CCDC7: variants seen among roughly 807,000 people sequenced by gnomAD.
CCDC7 encodes the protein coiled-coil domain-containing protein 7.
In CCDC7, 183 loss-of-function variants were observed where a neutral mutation model predicts 196.9. The observed-to-expected ratio is 0.93, with a 90% CI of 0.82 to 1.05. The LOEUF is 1.05. CCDC7 is among the 50% of genes least tolerant of loss of function. CCDC7 has a pLI of 0.00. For missense variants in CCDC7, 1,540 were observed against 1,482.2 expected (o/e 1.04, Z -0.64); for synonymous variants, 525 against 484.6 (o/e 1.08, Z -1.10).
intron 8 of CCDC7, among the ~76,000 whole-genome samples, chr10:32,488,990 A>G (rs768767830): frequency 3.9e-5 from 6 of 152,200 alleles, no homozygotes; most frequent in Non-Finnish European, 8.8e-5. Flanking sequence ...AGTGGTGTAC[A>G]GTGGCCAAGG....
At chr10:32,712,933 G>T (rs1287712969) in intron 25 of CCDC7, among the ~76,000 whole-genome samples, 2 of 152,154 alleles carry the variant, frequency 1.3e-5, no homozygotes, top group Non-Finnish European at 2.9e-5. Flanking sequence ...GGTTCTTAAA[G>T]CTTGGCAATG....
intron 21 of CCDC7, among the ~76,000 whole-genome samples, chr10:32,667,846 A>T (rs1217274810): frequency 6.6e-6 from 1 of 152,132 alleles, no homozygotes; most frequent in African/African-American, 2.4e-5. Context: ...TGACTTGGCA[A>T]TGCAGGCTCT....
chr10:32,830,572 A>G (rs957124397), intron 32 of CCDC7, among the ~76,000 whole-genome samples: 6 of 152,164 alleles, frequency 3.9e-5, no homozygotes, highest in Admixed American at 1.3e-4. Context: ...CTCACCGAAT[A>G]GAGAATATTA....
chr10:32,470,149 C>G (rs540049254), intron 5 of CCDC7, among the ~76,000 whole-genome samples: 5 of 152,320 alleles, frequency 3.3e-5, no homozygotes, highest in African/African-American at 1.2e-4. Flanking sequence ...ATATCCTACT[C>G]TCATTCCAGT....
At chr10:32,814,329 T>C in intron 30 of CCDC7, 41 bp from the exon 32 acceptor site, 1 of 1,297,440 alleles carries the variant, frequency 7.7e-7, no homozygotes, top group Non-Finnish European at 1.1e-6. Flanking sequence ...TGTGTATAAA[T>C]GATTACCTTA....
At chr10:32,762,795 A>C (rs2077660356) in intron 28 of CCDC7, among the ~76,000 whole-genome samples, 1 of 151,872 alleles carries the variant, frequency 6.6e-6, no homozygotes, top group Non-Finnish European at 1.5e-5. Flanking sequence ...AGTGTTGGGA[A>C]ATTTGAATAC....
intron 18 of CCDC7, among the ~76,000 whole-genome samples, chr10:32,633,220 C>T (rs935203773): frequency 2.3e-5 from 2 of 85,476 alleles, no homozygotes; most frequent in African/African-American, 3.3e-5. Context: ...CACGCACACA[C>T]ACACACACAC....
intron 20 of CCDC7, among the ~76,000 whole-genome samples, chr10:32,660,373 G>C (rs907884611): frequency 2.1e-5 from 3 of 139,916 alleles, no homozygotes; most frequent in African/African-American, 8.1e-5. Context: ...AGAATATGTG[G>C]TGTTTGGTTT....
chr10:32,591,430 A>G (rs967344731), intron 18 of CCDC7, among the ~76,000 whole-genome samples: 5 of 152,042 alleles, frequency 3.3e-5, no homozygotes, highest in African/African-American at 4.8e-5. Context: ...AAGGCCAAAA[A>G]GGGCAAATTT....
intron 18 of CCDC7, among the ~76,000 whole-genome samples, chr10:32,612,765 C>T (rs1051867119): frequency 6.6e-5 from 10 of 151,960 alleles, no homozygotes; most frequent in African/African-American, 1.9e-4. Flanking sequence ...GGGGTGAAGC[C>T]GACTTGATCA....
intron 28 of CCDC7, among the ~76,000 whole-genome samples, chr10:32,746,227 G>A (rs1032713076): frequency 1.3e-5 from 2 of 152,178 alleles, no homozygotes; most frequent in Non-Finnish European, 2.9e-5. Context: ...AGCCTGCACA[G>A]GGCTGCCAAG....
intron 9 of CCDC7, among the ~76,000 whole-genome samples, chr10:32,498,931 C>T (rs529700308): frequency 6.6e-6 from 1 of 151,966 alleles, no homozygotes; most frequent in South Asian, 2.1e-4. Context: ...GAATGTTGGC[C>T]TGCCTTGCTA....
chr10:32,676,511 A>C (rs1370932700), intron 21 of CCDC7, among the ~76,000 whole-genome samples: 1 of 152,052 alleles, frequency 6.6e-6, no homozygotes, highest in Non-Finnish European at 1.5e-5. Flanking sequence ...ATGAACTCAA[A>C]CAAATTTACA....
At chr10:32,748,731 C>T (rs1308109877) in intron 28 of CCDC7, among the ~76,000 whole-genome samples, 1 of 152,076 alleles carries the variant, frequency 6.6e-6, no homozygotes, top group Non-Finnish European at 1.5e-5. Context: ...GATGGCTAGA[C>T]GGGGCTGGAG....
intron 21 of CCDC7, among the ~76,000 whole-genome samples, chr10:32,675,285 G>A (rs1301304739): frequency 1.5e-5 from 2 of 129,054 alleles, no homozygotes; most frequent in African/African-American, 6.3e-5. Context: ...TTACCATGAG[G>A]TTTGATTACC....
At chr10:32,708,460 A>G (rs1021569931) in intron 24 of CCDC7, among the ~76,000 whole-genome samples, 9 of 152,224 alleles carry the variant, frequency 5.9e-5, no homozygotes, top group African/African-American at 2.2e-4. Flanking sequence ...CGAAAGCCAA[A>G]ATAGACAAAT....
chr10:32,707,082 G>A (rs560581160), intron 24 of CCDC7, among the ~76,000 whole-genome samples: 4 of 152,178 alleles, frequency 2.6e-5, no homozygotes, highest in African/African-American at 9.7e-5. Context: ...TAAAATACTA[G>A]CAAACAGAAT....
chr10:32,591,349 G>C (rs1311884012), intron 18 of CCDC7, among the ~76,000 whole-genome samples: 1 of 151,294 alleles, frequency 6.6e-6, no homozygotes, highest in East Asian at 1.9e-4. Flanking sequence ...CATGTTTATT[G>C]CATTTTTCAA....
chr10:32,559,379 T>A (rs2054978200), intron 13 of CCDC7, among the ~76,000 whole-genome samples: 2 of 152,202 alleles, frequency 1.3e-5, no homozygotes, highest in Admixed American at 1.3e-4. Flanking sequence ...CTCAAGTGGG[T>A]GCCTGACCCC....
Sources: allele counts gnomAD v4.1 joint callset (sites outside exome capture counted in the v4.1 genomes callset), GRCh38; gene constraint gnomAD v4.1.1; transcripts MANE v1.5; gene names NCBI Gene and HGNC (gene_info 2026-07-23, HGNC 2026-07-21).